RIN3: variants seen among roughly 807,000 people sequenced by gnomAD.
RIN3 encodes Ras and Rab interactor 3, also known as RAB5 interacting protein 3.
RIN3 carries 54 observed loss-of-function variants against 76.3 expected under a neutral mutation model. The observed-to-expected ratio is 0.71, with a 90% CI of 0.57 to 0.89. The LOEUF (loss-of-function observed/expected upper bound fraction) is 0.89, where lower values mean the gene tolerates loss of function less well. RIN3 is among the 40% of genes least tolerant of loss of function. The pLI, the probability that RIN3 is intolerant of heterozygous loss-of-function variation, is 0.00. For synonymous variants in RIN3, 576 were observed against 564.0 expected (o/e 1.02, Z -0.30); for missense variants, 1,256 against 1,322.1 (o/e 0.95, Z 0.78).
At chr14:92,531,654 G>T (rs1274218802) in intron 1 of RIN3, among the ~76,000 whole-genome samples, 1 of 152,192 alleles carries the variant, frequency 6.6e-6, no homozygotes. Flanking sequence ...TGGGTTGCAG[G>T]GTGACTCAGT....
chr14:92,600,261 A>G (rs148943601), intron 3 of RIN3, among the ~76,000 whole-genome samples: 5 of 152,338 alleles, frequency 3.3e-5, no homozygotes, highest in Admixed American at 6.5e-5. Context: ...GAAGCCTCAC[A>G]GTTAGAAGGG....
Position 92,513,887 on chromosome 14 carries a change from C to A in RIN3, c.-46C>A, listed in dbSNP as rs747409362. On this transcript the variant is annotated 5_prime_UTR_variant, in exon 1 of 10. Transcript: ENST00000216487. ...CCCGGGACTCCGCGTTCCGCGCGGC[C>A]CGGCGCCTGAGCGCCTCCGTTCCCC... 1.4e-4 allele frequency: 172 copies of A among 1,246,966 alleles called. No individual in the cohort carries two copies. The Middle Eastern group carries it at 2.2e-3, about 16-fold the overall frequency. The allele number at this position is 1,246,966 out of a possible 1,614,324, so 77.2% of individuals were successfully genotyped here.
chr14:92,633,949 G>T (rs1179489338), intron 4 of RIN3, among the ~76,000 whole-genome samples: 1 of 152,036 alleles, frequency 6.6e-6, no homozygotes, highest in Non-Finnish European at 1.5e-5. Flanking sequence ...GGTTACAGAG[G>T]TTTGGAAAGC....
intron 3 of RIN3, among the ~76,000 whole-genome samples, chr14:92,613,795 A>C (rs893459769): frequency 9.2e-5 from 14 of 152,118 alleles, no homozygotes; most frequent in African/African-American, 1.9e-4. Context: ...TTCCCTCTCC[A>C]TCACATGGAA....
intron 1 of RIN3, among the ~76,000 whole-genome samples, chr14:92,530,284 C>A (rs779835499): frequency 3.2e-4 from 49 of 152,170 alleles, no homozygotes; most frequent in Non-Finnish European, 5.9e-4. Flanking sequence ...TTGGTCCCCT[C>A]TCACCTTCAG....
Position 92,652,135 on chromosome 14 carries a change from G to C in RIN3, c.1086G>C (p.Gly362=). 1 of 1,608,590 alleles carries C rather than the reference G, an allele frequency of 6.2e-7. No individual in the cohort carries two copies. Among genetic ancestry groups the C allele is most frequent in the Non-Finnish European group, 8.5e-7 (1 of 1,179,108 alleles). ...TCAGGGAGGAAGCGATGAAGCCAGGGGCAGCCTCCAGTCCCTTGCAGCAGG... is the reference window on the plus strand; with the variant it reads ...TCAGGGAGGAAGCGATGAAGCCAGGCGCAGCCTCCAGTCCCTTGCAGCAGG... ...GPLREEAMKP[G]AASSPLQQVP... is the part of the protein sequence containing the mutation. Residue 362 remains glycine (G), a synonymous_variant, in exon 6 of 10, where the codon GGG becomes GGC. Coordinates refer to ENST00000216487, the MANE Select transcript of RIN3 (RefSeq NM_024832.5). The surrounding 1 kb of genome is among the most constrained non-coding windows in gnomAD (Gnocchi z 6.4).
rs530932744 is a variant in RIN3 at position 92,655,274 on chromosome 14, G to A, written c.2026+2199G>A. Among the ~76,000 whole-genome samples, 14 of 152,352 alleles carry A rather than the reference G, an allele frequency of 9.2e-5. No homozygotes were observed. The South Asian group carries it at 2.9e-3, about 32-fold the overall frequency. ...GAGGCACAAGAATTGCTTGAATCCA[G>A]GAGGCGGAGATTGCAGTGAGCCGAG... is the stretch of plus-strand genomic sequence containing the variant. On this transcript the variant is annotated intron_variant, in intron 6 of 9. Coordinates refer to ENST00000216487, the MANE Select transcript of RIN3 (RefSeq NM_024832.5).
At chr14:92,621,827 T>C (rs1198378037) in intron 4 of RIN3, among the ~76,000 whole-genome samples, 1 of 152,184 alleles carries the variant, frequency 6.6e-6, no homozygotes, top group Non-Finnish European at 1.5e-5. Context: ...TAGACGTGTA[T>C]ACACACACAT....
At position 92,685,101 on chromosome 14, in the gene RIN3, A is replaced by C; in HGVS notation, c.2582A>C (p.Glu861Ala). Residue 861 changes from glutamate (E) to alanine (A), a missense_variant, in exon 9 of 10, where the codon GAG becomes GCG. By Grantham distance (107) the Glu-to-Ala change is moderately radical. Coordinates refer to ENST00000216487, the MANE Select transcript of RIN3 (RefSeq NM_024832.5). This position sits in a 1 kb window ranked among gnomAD's most constrained non-coding sequence, Gnocchi z 4.7. ...GTGCAGGACTCCATCCACCGCTGGG[A>C]GCGCCGGCGTACTCTCAACAAGGCC... ...VEVQDSIHRWERRRTLNKARA... is the reference protein window; with the variant it reads ...VEVQDSIHRWARRRTLNKARA... The C allele has an allele frequency of 6.2e-7, 1 of 1,613,592 alleles. No individual in the cohort carries two copies.
At chr14:92,592,588 A>G (rs1463795763) in intron 3 of RIN3, among the ~76,000 whole-genome samples, 1 of 151,306 alleles carries the variant, frequency 6.6e-6, no homozygotes, top group Non-Finnish European at 1.5e-5. Flanking sequence ...GTAATACCCA[A>G]TACAATGTAA....
chr14:92,537,836 T>A (rs867632813), intron 1 of RIN3, among the ~76,000 whole-genome samples: 6 of 81,406 alleles, frequency 7.4e-5, no homozygotes, highest in African/African-American at 3.2e-4. Context: ...TATTTTATTT[T>A]ATTTATTTTT....
At chr14:92,610,424 C>A (rs1485268690) in intron 3 of RIN3, among the ~76,000 whole-genome samples, 2 of 152,200 alleles carry the variant, frequency 1.3e-5, no homozygotes, top group African/African-American at 4.8e-5. Context: ...GCCCCTTTCG[C>A]CCAACTGTTC....
chr14:92,666,443 A>G (rs1595498034), intron 7 of RIN3, among the ~76,000 whole-genome samples: 1 of 152,040 alleles, frequency 6.6e-6, no homozygotes, highest in Admixed American at 6.6e-5. Flanking sequence ...CTGGGAATGG[A>G]CCCCAAGCTT....
chr14:92,547,002 ATT>A (rs1384968203), intron 1 of RIN3, among the ~76,000 whole-genome samples: 23 of 76,794 alleles, frequency 3.0e-4, no homozygotes, highest in Middle Eastern at 9.1e-3. Flanking sequence ...TATTATTATT[ATT>A]TTATTTTATT....
chr14:92,542,390 G>A (rs1444282873), intron 1 of RIN3, among the ~76,000 whole-genome samples: 1 of 152,152 alleles, frequency 6.6e-6, no homozygotes, highest in Non-Finnish European at 1.5e-5. Flanking sequence ...CAATAGGGTG[G>A]CTGTAATAAA....
At chr14:92,527,712 A>G (rs192260105) in intron 1 of RIN3, among the ~76,000 whole-genome samples, 11 of 152,122 alleles carry the variant, frequency 7.2e-5, no homozygotes, top group African/African-American at 2.4e-4. Context: ...CTTCGTCCCT[A>G]CGTTCTGCCG....
intron 7 of RIN3, among the ~76,000 whole-genome samples, chr14:92,668,806 G>A (rs1286179406): frequency 6.6e-6 from 1 of 152,226 alleles, no homozygotes; most frequent in Non-Finnish European, 1.5e-5. Context: ...GAGATGAGCA[G>A]GCCAGCTCTG....
chr14:92,654,523 CTG>C (rs990391432), intron 6 of RIN3, among the ~76,000 whole-genome samples: 4 of 152,180 alleles, frequency 2.6e-5, no homozygotes, highest in Non-Finnish European at 5.9e-5. Context: ...ACGTGGGCCT[CTG>C]AACACAGTAG....
At chr14:92,524,289 CTCT>C (rs1047941296) in intron 1 of RIN3, among the ~76,000 whole-genome samples, 3 of 152,216 alleles carry the variant, frequency 2.0e-5, no homozygotes, top group African/African-American at 7.2e-5. Context: ...CATTCACTGT[CTCT>C]TCGTTGAAAC....
Sources: allele counts gnomAD v4.1 joint callset (sites outside exome capture counted in the v4.1 genomes callset), GRCh38; gene constraint gnomAD v4.1.1; non-coding constraint Gnocchi (gnomAD v3.1); transcripts MANE v1.5; gene names NCBI Gene and HGNC (gene_info 2026-07-23, HGNC 2026-07-21).